The following HYDIN variants were observed in gnomAD, a reference collection of about 807,000 sequenced individuals.
The protein encoded by HYDIN is axonemal central pair apparatus protein HYDIN.
Under a neutral mutation model 403.9 loss-of-function variants are expected in HYDIN, and 132 were observed. The observed-to-expected ratio is 0.33, with a 90% CI of 0.28 to 0.38. The LOEUF is 0.38. Among genes scored for constraint, HYDIN ranks in the 10% least tolerant of loss-of-function variants. The probability of loss-of-function intolerance (pLI) is 1.00; values close to 1 mark genes in which losing one functional copy is unlikely to be tolerated. For synonymous variants in HYDIN, 1,202 were observed against 1,891.7 expected (o/e 0.64, Z 9.46); for missense variants, 2,827 against 5,009.5 (o/e 0.56, Z 13.15).
intron 30 of HYDIN, among the ~76,000 whole-genome samples, chr16:70,976,043 T>TC (rs2078877459): frequency 6.8e-6 from 1 of 147,596 alleles, no homozygotes; most frequent in Non-Finnish European, 1.5e-5. Context: ...GAGCCTAGCT[T>TC]CCATGGGGCC....
At position 70,804,866 on chromosome 16, in the gene HYDIN, C is replaced by G. The variant is rs1413903866; in HGVS notation, c.*2714G>C. Among the ~76,000 whole-genome samples, 2 of 152,182 alleles carry G rather than the reference C, an allele frequency of 1.3e-5. No homozygotes were observed. On this transcript the variant is annotated 3_prime_UTR_variant, in exon 86 of 86. Coordinates refer to ENST00000393567, the MANE Select transcript of HYDIN (RefSeq NM_001270974.2). ...AAATGTATATGGACAGCTTCAGTGG[C>G]TTGGGGAAGCACTGGAACAGGTCTG...
At chr16:71,071,770 G>A (rs548471113) in intron 13 of HYDIN, among the ~76,000 whole-genome samples, 7 of 152,266 alleles carry the variant, frequency 4.6e-5, no homozygotes, top group East Asian at 3.9e-4. Flanking sequence ...GGAACATGAC[G>A]TCTCTACTAG....
At chr16:70,964,449 G>A (rs1396339899) in intron 37 of HYDIN, among the ~76,000 whole-genome samples, 2 of 151,874 alleles carry the variant, frequency 1.3e-5, no homozygotes, top group African/African-American at 2.4e-5. Context: ...AGCCCTCAAC[G>A]TGGCATCCAG....
intron 12 of HYDIN, among the ~76,000 whole-genome samples, chr16:71,081,178 G>A (rs1238658012): frequency 2.6e-5 from 4 of 152,212 alleles, no homozygotes; most frequent in African/African-American, 9.6e-5. Context: ...TACCTTCAGA[G>A]CAATAATATT....
intron 83 of HYDIN, among the ~76,000 whole-genome samples, chr16:70,824,475 A>G (rs992551478): frequency 3.3e-5 from 5 of 150,042 alleles, no homozygotes; most frequent in African/African-American, 4.9e-5. Flanking sequence ...AAAATTACCT[A>G]TCAATTTAAT....
At chr16:71,216,442 C>T (rs747379405) in intron 1 of HYDIN, among the ~76,000 whole-genome samples, 1 of 150,436 alleles carries the variant, frequency 6.6e-6, no homozygotes, top group Non-Finnish European at 1.5e-5. Flanking sequence ...TACAAAATGG[C>T]AAAACTATAT....
chr16:71,185,757 T>A lies in HYDIN; in HGVS notation c.136-767A>T, dbSNP rs1046426818. Among the ~76,000 whole-genome samples, 20 of 152,336 alleles carry A rather than the reference T, an allele frequency of 1.3e-4. No homozygotes were observed. The East Asian group carries it at 3.9e-3, about 29-fold the overall frequency. On this transcript the variant is annotated intron_variant, in intron 2 of 85. Coordinates refer to ENST00000393567, the MANE Select transcript of HYDIN (RefSeq NM_001270974.2). ...TTGTGGTTCTAGAATGTTCCTACTA[T>A]ATGTGCAGGGAGATTATGATCATTG... is the stretch of plus-strand genomic sequence containing the variant.
chr16:70,938,559 T>C lies in HYDIN; in HGVS notation c.6995+55A>G, dbSNP rs892354165. 8.3e-6 allele frequency: 10 copies of C among 1,203,438 alleles called. No homozygotes were observed. In the African/African-American group the frequency reaches 1.3e-4, roughly 16 times the overall value. The allele number at this position is 1,203,438 out of a possible 1,614,324, so 74.5% of individuals were successfully genotyped here. ...GCTCACACCCCGGTCCTGGTCACTC[T>C]GTGGGGACGGTCCCGGGGGAATGGC... On this transcript the variant is annotated intron_variant, in intron 44 of 85. Transcript: ENST00000393567.
Position 70,828,324 on chromosome 16 carries a change from AT to A in HYDIN, c.14217del (p.Cys4740ValfsTer15), listed in dbSNP as rs2036727622. On this transcript the variant is annotated frameshift_variant, in exon 82 of 86. Transcript: ENST00000393567. LOFTEE classifies it high-confidence loss of function. ...KAVANIYREV[P>X]CKTPYTELLP... ...AGAAGCTCAGTGTAGGGGGTCTTAC[AT>A]GGCACTTCACGATAGATATTGGCTA... 8 of 839,110 alleles carry A rather than the reference AT, an allele frequency of 9.5e-6. No individual in the cohort carries two copies. The highest frequency in any genetic ancestry group is 1.8e-5 in the African/African-American group (1 of 54,632). 52.0% of individuals were successfully genotyped at this position (839,110 alleles called of 1,614,324 possible).
intron 13 of HYDIN, among the ~76,000 whole-genome samples, chr16:71,071,349 C>A (rs2082462606): frequency 6.6e-6 from 1 of 151,966 alleles, no homozygotes; most frequent in South Asian, 2.1e-4. Flanking sequence ...TTGTTAAAGA[C>A]TGAAGGTCAT....
At chr16:70,982,318 A>G (rs1340639496) in intron 28 of HYDIN, among the ~76,000 whole-genome samples, 1 of 151,552 alleles carries the variant, frequency 6.6e-6, no homozygotes, top group Non-Finnish European at 1.5e-5. Context: ...CCTATACAGA[A>G]GCTGAAAAAT....
At chr16:71,196,105 C>T (rs1193343051) in intron 1 of HYDIN, among the ~76,000 whole-genome samples, 1 of 152,146 alleles carries the variant, frequency 6.6e-6, no homozygotes, top group Non-Finnish European at 1.5e-5. Flanking sequence ...ATTATAGTTT[C>T]AAAACAGACT....
At chr16:71,067,558 G>A (rs964489952) in intron 14 of HYDIN, among the ~76,000 whole-genome samples, 168 bp from the exon 15 acceptor site, 18 of 147,962 alleles carry the variant, frequency 1.2e-4, no homozygotes, top group African/African-American at 2.2e-4. Context: ...GTCAGGGCAT[G>A]CTGAGTGTTT....
intron 66 of HYDIN, among the ~76,000 whole-genome samples, 198 bp from the exon 67 acceptor site, chr16:70,866,527 G>C (rs1303051764): frequency 6.6e-6 from 1 of 152,112 alleles, no homozygotes; most frequent in African/African-American, 2.4e-5. Context: ...TAGTCATCTA[G>C]ATGAAAAATA....
At chr16:71,194,784 C>A in intron 1 of HYDIN, among the ~76,000 whole-genome samples, 1 of 152,234 alleles carries the variant, frequency 6.6e-6, no homozygotes, top group East Asian at 1.9e-4. Flanking sequence ...CTACAGTCAT[C>A]TGAAGGGTTG....
intron 41 of HYDIN, among the ~76,000 whole-genome samples, chr16:70,944,468 C>G (rs79281812): frequency 0.037 from 5,632 of 151,814 alleles, no homozygotes; most frequent in African/African-American, 0.087. Flanking sequence ...CGGGTTACGT[C>G]AAAGAATGAG....
chr16:71,214,918 G>A (rs907427480), intron 1 of HYDIN, among the ~76,000 whole-genome samples: 1 of 152,148 alleles, frequency 6.6e-6, no homozygotes, highest in Non-Finnish European at 1.5e-5. Flanking sequence ...CCTAGACTCA[G>A]GCTCTGTCTC....
chr16:71,204,509 A>T (rs1418805634), intron 1 of HYDIN, among the ~76,000 whole-genome samples: 1 of 152,262 alleles, frequency 6.6e-6, no homozygotes, highest in African/African-American at 2.4e-5. Flanking sequence ...TGGCTCTTAT[A>T]CATCCTTACT....
chr16:70,858,997 T>A (rs1300069766), intron 71 of HYDIN, among the ~76,000 whole-genome samples: 1 of 151,084 alleles, frequency 6.6e-6, no homozygotes, highest in African/African-American at 2.4e-5. Context: ...AAAATAGGGC[T>A]TCACATAGAA....
Sources: gnomAD v4.1 joint callset for allele counts (sites outside exome capture counted in the v4.1 genomes callset) on GRCh38, gnomAD v4.1.1 for gene constraint, MANE v1.5 for transcripts, NCBI Gene and HGNC (gene_info 2026-07-23, HGNC 2026-07-21) for gene names.